The following SORT1 variants were observed in gnomAD, a reference collection of about 807,000 sequenced individuals.
SORT1 encodes the protein sortilin.
Under a neutral mutation model 101.7 loss-of-function variants are expected in SORT1, and 39 were observed. The ratio of observed to expected loss-of-function variants is 0.38; its 90% CI spans 0.30 to 0.50. The LOEUF (loss-of-function observed/expected upper bound fraction) is 0.50, where lower values mean the gene tolerates loss of function less well. Ranked by LOEUF, SORT1 falls within the 20% of genes least tolerant of loss-of-function variation. The probability of loss-of-function intolerance (pLI) is 0.90; values close to 1 mark genes in which losing one functional copy is unlikely to be tolerated. For synonymous variants in SORT1, 396 were observed against 393.7 expected, an observed-to-expected ratio of 1.01 and a Z score of -0.07; for missense variants, 878 against 1,040.4, an observed-to-expected ratio of 0.84 and a Z score of 2.15.
In SORT1 at chr1:109,311,790, A is replaced by G. The variant is rs1303498510; in HGVS notation, c.*2253T>C. ...GCCACTGATCCCTGTCATAAAGAAC[A>G]GCAAGTCATCTACAAGAAGGCAGCC... On this transcript the variant is annotated 3_prime_UTR_variant, in exon 20 of 20. Transcript: ENST00000256637. 6.6e-6 allele frequency: 1 copy of G among 152,420 alleles called. No homozygotes were observed. Among genetic ancestry groups the G allele is most frequent in the East Asian group, 1.9e-4 (1 of 5,202 alleles). 9.4% of individuals were successfully genotyped at this position (152,420 alleles called of 1,614,324 possible).
Position 109,375,366 on chromosome 1 carries a change from T to A in SORT1, c.307-5777A>T, listed in dbSNP as rs188288688. ...TCACGAGGTCAGGAGATCAAGACCA[T>A]CCCCGTCTCTACTAAAAATACAAAA... is the stretch of plus-strand genomic sequence containing the variant. On this transcript the variant is annotated intron_variant, in intron 1 of 19. Transcript: ENST00000256637. Among the ~76,000 whole-genome samples the A allele has an allele frequency of 8.6e-3, 1,310 of 151,470 alleles. 27 individuals are homozygous for A. The highest frequency in any genetic ancestry group is 0.03 in the African/African-American group (1,250 of 41,282).
At chr1:109,351,893 G>A (rs937406057) in intron 5 of SORT1, among the ~76,000 whole-genome samples, 7 of 152,008 alleles carry the variant, frequency 4.6e-5, no homozygotes, top group African/African-American at 1.7e-4. Flanking sequence ...TGAGGAACAG[G>A]CTCTGCAAGA....
chr1:109,314,596 GTA>G (rs1251308725), intron 18 of SORT1, 74 bp downstream of exon 18: 4 of 1,182,968 alleles, frequency 3.4e-6, no homozygotes, highest in Non-Finnish European at 3.7e-6. Context: ...TTTGCCAAGA[GTA>G]GACTCAGCCA....
At chr1:109,316,737 G>A in intron 17 of SORT1, 113 bp downstream of exon 17, 2 of 686,418 alleles carry the variant, frequency 2.9e-6, no homozygotes, top group Non-Finnish European at 5.1e-6. Context: ...CCTGAGAGAA[G>A]TAGTTTGACC....
At chr1:109,355,155 A>C (rs1650223634) in intron 4 of SORT1, among the ~76,000 whole-genome samples, 1 of 152,198 alleles carries the variant, frequency 6.6e-6, no homozygotes, top group South Asian at 2.1e-4. Flanking sequence ...TGGAAGGTCA[A>C]GGCTGCAGCG....
At chr1:109,355,530 C>T (rs1650248591) in intron 3 of SORT1, 61 bp from the exon 4 acceptor site, 1 of 779,696 alleles carries the variant, frequency 1.3e-6, no homozygotes, top group Non-Finnish European at 2.3e-6. Context: ...TACTGAGTTC[C>T]TACTCAGCTT....
intron 11 of SORT1, among the ~76,000 whole-genome samples, 180 bp from the exon 12 acceptor site, chr1:109,327,781 G>A (rs1648183822): frequency 6.6e-6 from 1 of 152,038 alleles, no homozygotes. Flanking sequence ...TATTCACATT[G>A]TTGTACAACC....
chr1:109,317,918 T>C lies in SORT1; in HGVS notation c.2076A>G (p.Pro692=), dbSNP rs1160056975. The C allele has an allele frequency of 6.2e-7, 1 of 1,614,092 alleles. No individual in the cohort carries two copies. The highest frequency in any genetic ancestry group is 2.2e-5 in the East Asian group (1 of 44,898). Residue 692 remains proline, a synonymous_variant, in exon 16 of 20, where the codon CCA becomes CCG. Coordinates refer to ENST00000256637, the MANE Select transcript of SORT1 (RefSeq NM_002959.7). Reference sequence around the variant, plus strand: ...ACTCCAGGTCGTGGCCCTTCAGTTCTGGCTGTTCCACACACTTGGAGTCAT... The same window carrying C: ...ACTCCAGGTCGTGGCCCTTCAGTTCCGGCTGTTCCACACACTTGGAGTCAT... ...PENDSKCVEQ[P]ELKGHDLEFC... is the part of the protein sequence containing the mutation.
intron 1 of SORT1, among the ~76,000 whole-genome samples, chr1:109,370,755 T>G (rs1380826544): frequency 6.6e-6 from 1 of 152,196 alleles, no homozygotes; most frequent in Non-Finnish European, 1.5e-5. Flanking sequence ...AGCTGGGGAA[T>G]GTAACTTTAT....
intron 15 of SORT1, among the ~76,000 whole-genome samples, chr1:109,319,676 G>A (rs576386896): frequency 2.4e-4 from 37 of 152,130 alleles, no homozygotes; most frequent in Middle Eastern, 3.4e-3. Flanking sequence ...TACCAGCCTG[G>A]CCAACATGGT....
At chr1:109,364,418 C>T (rs1650945551) in intron 3 of SORT1, among the ~76,000 whole-genome samples, 1 of 152,116 alleles carries the variant, frequency 6.6e-6, no homozygotes, top group Non-Finnish European at 1.5e-5. Flanking sequence ...TCCTTTGCTA[C>T]TGAAGAGTGA....
intron 2 of SORT1, among the ~76,000 whole-genome samples, chr1:109,369,031 T>C (rs1464262319): frequency 2.6e-5 from 4 of 151,532 alleles, no homozygotes; most frequent in African/African-American, 7.3e-5. Context: ...GGTCAGAAGA[T>C]GTTCCCGGCC....
chr1:109,366,419 T>C (rs1570958742), intron 3 of SORT1, among the ~76,000 whole-genome samples: 3 of 152,192 alleles, frequency 2.0e-5, no homozygotes, highest in African/African-American at 7.2e-5. Flanking sequence ...TAAAAAACCA[T>C]TTTGTACTCA....
chr1:109,340,057 G>A (rs1208387938), intron 10 of SORT1, among the ~76,000 whole-genome samples: 1 of 150,494 alleles, frequency 6.6e-6, no homozygotes, highest in Non-Finnish European at 1.5e-5. Flanking sequence ...GCTGAGGCAG[G>A]AGAATCCCTT....
intron 14 of SORT1, 132 bp downstream of exon 14, chr1:109,324,767 A>G: frequency 1.6e-6 from 1 of 621,732 alleles, no homozygotes; most frequent in East Asian, 2.8e-5. Context: ...TCACCCACAC[A>G]GAACATCTGT....
chr1:109,338,921 A>T (rs1304964461), intron 10 of SORT1, among the ~76,000 whole-genome samples: 1 of 151,218 alleles, frequency 6.6e-6, no homozygotes, highest in Non-Finnish European at 1.5e-5. Context: ...TCTGTTGCCC[A>T]GGCTGGAGTG....
chr1:109,338,793 T>C (rs1384068827), intron 10 of SORT1, among the ~76,000 whole-genome samples: 2 of 152,158 alleles, frequency 1.3e-5, no homozygotes, highest in Non-Finnish European at 2.9e-5. Context: ...GGTCTGTCCC[T>C]GCTGGACTGT....
Position 109,397,756 on chromosome 1 carries a change from G to T in SORT1, c.137C>A (p.Pro46Gln). 8.3e-7 allele frequency: 1 copy of T among 1,200,034 alleles called. No homozygotes were observed. Among genetic ancestry groups the T allele is most frequent in the Non-Finnish European group, 1.0e-6 (1 of 967,318 alleles). The allele number at this position is 1,200,034 out of a possible 1,614,324, so 74.3% of individuals were successfully genotyped here. A position where few individuals can be genotyped will look rare whatever the true frequency, so the allele number is the denominator to read the frequency against. Reference sequence around the variant, plus strand: ...GATGGGGCCAGACCAGCGCGGCAGCGGCGCAGCGGGCGGCGGCGGCGCGTC... The same window carrying T: ...GATGGGGCCAGACCAGCGCGGCAGCTGCGCAGCGGGCGGCGGCGGCGCGTC... ...RLDAPPPPAA[P>Q]LPRWSGPIGV... The change falls in exon 1 of 20, where the codon CCG (proline) becomes CAG (glutamine). Residue 46 changes from proline (P) to glutamine (Q), a missense_variant. Physicochemically the swap from Pro to Gln is moderately conservative, Grantham distance 76 (BLOSUM62 -1). Around this residue, in one of 2 missense-constraint regions of SORT1, gnomAD observed 194 missense variants for 145.9 expected, o/e 1.33. Coordinates refer to ENST00000256637, the MANE Select transcript of SORT1 (RefSeq NM_002959.7).
At chr1:109,373,297 C>A (rs755399141) in intron 1 of SORT1, among the ~76,000 whole-genome samples, 4 of 152,104 alleles carry the variant, frequency 2.6e-5, no homozygotes, top group Non-Finnish European at 4.4e-5. Flanking sequence ...GATATATCGT[C>A]TGGGGAGGCC....
Sources: gnomAD v4.1 joint callset for allele counts (sites outside exome capture counted in the v4.1 genomes callset) on GRCh38, gnomAD v4.1.1 for gene constraint, gnomAD v4.1.1 regional missense constraint, MANE v1.5 for transcripts, NCBI Gene and HGNC (gene_info 2026-07-23, HGNC 2026-07-21) for gene names.